Variants in KDM4C observed in about 807,000 individuals in gnomAD.
KDM4C encodes lysine-specific demethylase 4C.
In KDM4C, 81 loss-of-function variants were observed where a neutral mutation model predicts 129.3. That is an observed-to-expected ratio of 0.63 (90% confidence interval 0.52 to 0.75). The LOEUF is 0.75. KDM4C is among the 30% of genes least tolerant of loss of function. The pLI is 0.00. For missense variants in KDM4C, 1,457 were observed against 1,304.0 expected, an observed-to-expected ratio of 1.12 and a Z score of -1.81; for synonymous variants, 573 against 456.1, an observed-to-expected ratio of 1.26 and a Z score of -3.26.
intron 15 of KDM4C, among the ~76,000 whole-genome samples, chr9:7,030,905 T>C (rs1826613872): frequency 6.6e-6 from 1 of 152,152 alleles, no homozygotes. Flanking sequence ...TCTCATTCCA[T>C]ATAATGGAAT....
intron 8 of KDM4C, among the ~76,000 whole-genome samples, chr9:6,910,936 C>T (rs528834475): frequency 4.0e-5 from 6 of 151,772 alleles, no homozygotes; most frequent in Admixed American, 6.6e-5. Flanking sequence ...TTGTAATACA[C>T]GGTCATGGAT....
chr9:6,737,445 G>C (rs992771617), intron 1 of KDM4C, among the ~76,000 whole-genome samples: 1 of 151,604 alleles, frequency 6.6e-6, no homozygotes, highest in Non-Finnish European at 1.5e-5. Context: ...TGGATCACCT[G>C]AGGTCAGGAA....
At chr9:7,023,019 C>T (rs193110900) in intron 15 of KDM4C, among the ~76,000 whole-genome samples, 1 of 152,152 alleles carries the variant, frequency 6.6e-6, no homozygotes, top group Non-Finnish European at 1.5e-5. Flanking sequence ...GATGAATGAT[C>T]TTTTTAATGT....
intron 17 of KDM4C, among the ~76,000 whole-genome samples, chr9:7,053,585 A>G (rs1474771326): frequency 6.6e-6 from 1 of 152,212 alleles, no homozygotes; most frequent in Non-Finnish European, 1.5e-5. Flanking sequence ...ATGACATTAG[A>G]CTTATTTTCA....
At position 6,916,521 on chromosome 9, in the gene KDM4C, A is replaced by C. The variant is rs573010537; in HGVS notation, c.921+23289A>C. Among the ~76,000 whole-genome samples, 41 of 152,196 alleles carry C rather than the reference A, an allele frequency of 2.7e-4. 1 individual carries two copies. Among genetic ancestry groups the C allele is most frequent in the South Asian group, 2.1e-3 (10 of 4,818 alleles). On this transcript the variant is annotated intron_variant, in intron 8 of 21. Transcript: ENST00000381309. The stretch of plus-strand genomic sequence containing the variant: ...GTGATCCTCCTGCATTGGCCTCCCA[A>C]AGTGCTGGGATTATAGGAGTGAGCC...
intron 17 of KDM4C, among the ~76,000 whole-genome samples, chr9:7,062,530 G>A (rs572506695): frequency 6.6e-6 from 1 of 152,218 alleles, no homozygotes; most frequent in East Asian, 1.9e-4. Context: ...TGGGAATACA[G>A]GTTTGCACTA....
rs939949610 is a variant in KDM4C at position 7,050,796 on chromosome 9, C to G, written c.2424+1596C>G. On this transcript the variant is annotated intron_variant, in intron 17 of 21. Transcript: ENST00000381309. ...GATTTAACGTTACCCACATCAGTCCCAAAGGGTTTTTGAGAGAACAGCAGG... is the reference window on the plus strand; with the variant it reads ...GATTTAACGTTACCCACATCAGTCCGAAAGGGTTTTTGAGAGAACAGCAGG... 2.6e-5 allele frequency among the ~76,000 whole-genome samples: 4 copies of G among 152,116 alleles called. No homozygotes were observed. The East Asian group carries it at 5.8e-4, about 22-fold the overall frequency.
At chr9:7,145,592 G>A (rs554447182) in intron 19 of KDM4C, among the ~76,000 whole-genome samples, 3 of 152,196 alleles carry the variant, frequency 2.0e-5, no homozygotes, top group Admixed American at 6.5e-5. Flanking sequence ...ATTCTGGAAC[G>A]CTGCAAATGA....
intron 5 of KDM4C, among the ~76,000 whole-genome samples, chr9:6,863,533 AC>A (rs1360172886): frequency 6.6e-6 from 1 of 152,144 alleles, no homozygotes; most frequent in Non-Finnish European, 1.5e-5. Context: ...ACCATGGCTC[AC>A]GGCTGTAATC....
At chr9:6,913,632 G>A (rs748469264) in intron 8 of KDM4C, among the ~76,000 whole-genome samples, 20 of 152,162 alleles carry the variant, frequency 1.3e-4, no homozygotes, top group Admixed American at 2.6e-4. Context: ...AGCCCAAGGG[G>A]AGTCATTTCA....
At chr9:6,756,337 C>A (rs1285049399), upstream of KDM4C, among the ~76,000 whole-genome samples, 3 of 152,202 alleles carry the variant, frequency 2.0e-5, no homozygotes, top group East Asian at 5.8e-4. Flanking sequence ...TTAGCATATC[C>A]AATTTACTTG....
intron 19 of KDM4C, among the ~76,000 whole-genome samples, chr9:7,146,123 A>G (rs1204078381): frequency 6.6e-6 from 1 of 152,264 alleles, no homozygotes; most frequent in Non-Finnish European, 1.5e-5. Context: ...ATGATGCAAT[A>G]TAATAAATGG....
intron 8 of KDM4C, among the ~76,000 whole-genome samples, chr9:6,945,131 C>T (rs904580460): frequency 2.6e-5 from 4 of 152,070 alleles, no homozygotes; most frequent in African/African-American, 9.7e-5. Context: ...TGCACGAACC[C>T]GTGGACCCGC....
At chr9:6,840,813 C>T (rs1200815953) in intron 4 of KDM4C, among the ~76,000 whole-genome samples, 1 of 152,192 alleles carries the variant, frequency 6.6e-6, no homozygotes, top group South Asian at 2.1e-4. Flanking sequence ...GTTATCCCAC[C>T]TCTTGTTTCT....
intron 19 of KDM4C, among the ~76,000 whole-genome samples, chr9:7,132,982 C>G (rs117698063): frequency 0.011 from 1,708 of 152,258 alleles, 13 homozygotes; most frequent in Middle Eastern, 0.041. Flanking sequence ...AGCATGAAAA[C>G]AATACTCTTC....
intron 2 of KDM4C, among the ~76,000 whole-genome samples, chr9:6,801,863 G>A (rs1829048385): frequency 6.6e-6 from 1 of 152,124 alleles, no homozygotes. Context: ...CCAGCACTTT[G>A]GGAGGCTGAG....
intron 18 of KDM4C, among the ~76,000 whole-genome samples, chr9:7,114,632 G>C (rs7867958): frequency 0.49 from 74,027 of 151,934 alleles, 18,680 homozygotes; most frequent in East Asian, 0.74. Flanking sequence ...CAAGACAAAG[G>C]CATTTTGGTG....
At chr9:6,980,626 A>T (rs879806023) in intron 8 of KDM4C, among the ~76,000 whole-genome samples, 6 of 152,080 alleles carry the variant, frequency 3.9e-5, no homozygotes, top group Admixed American at 2.0e-4. Context: ...ATGGGCAAAT[A>T]ATCTTTCCAT....
intron 4 of KDM4C, among the ~76,000 whole-genome samples, chr9:6,844,664 T>C (rs1204314787): frequency 6.6e-6 from 1 of 152,196 alleles, no homozygotes; most frequent in African/African-American, 2.4e-5. Context: ...GACAAAGTTT[T>C]TCGACCTTGG....
Sources: gnomAD v4.1 joint callset for allele counts (sites outside exome capture counted in the v4.1 genomes callset) on GRCh38, gnomAD v4.1.1 for gene constraint, MANE v1.5 for transcripts, NCBI Gene and HGNC (gene_info 2026-07-23, HGNC 2026-07-21) for gene names.